Variants in RP1L1 observed in about 807,000 individuals in gnomAD.
RP1L1 encodes retinitis pigmentosa 1-like 1 protein.
A neutral mutation model predicts 15.7 loss-of-function variants in RP1L1; 27 were observed. The ratio of observed to expected loss-of-function variants is 1.72; its 90% CI spans 1.27 to 2.38. RP1L1 has a LOEUF of 2.38. RP1L1 is among the 30% of genes most tolerant of loss of function. The probability of loss-of-function intolerance (pLI) is 0.00; values close to 1 mark genes in which losing one functional copy is unlikely to be tolerated. For synonymous variants in RP1L1, 1,813 were observed against 1,276.7 expected (o/e 1.42, Z -8.96); for missense variants, 4,798 against 3,075.9 (o/e 1.56, Z -13.24).
At position 10,607,392 on chromosome 8, in the gene RP1L1, C is replaced by G. The variant is rs1396447954; in HGVS notation, c.6706G>C (p.Glu2236Gln). The G allele has an allele frequency of 3.1e-6, 5 of 1,605,710 alleles. No individual in the cohort carries two copies. The South Asian group carries it at 3.3e-5, about 11-fold the overall frequency. The stretch of plus-strand genomic sequence containing the variant: ...TCTCCTTCTGACTCTGGCTGGGCCT[C>G]CCCTTCAGCCTCCGGGGTCTCTACG... ...EGVETPEAEGEAQPESEGETQ... is the reference protein window; with the variant it reads ...EGVETPEAEGQAQPESEGETQ... The change falls in exon 4 of 4, where the codon GAG becomes CAG. Residue 2236 changes from glutamate (E) to glutamine (Q), a missense_variant. By Grantham distance (29) the Glu-to-Gln change is conservative (BLOSUM62 2). Transcript: ENST00000382483.
At chr8:10,620,091 C>T (rs918479125) in intron 2 of RP1L1, among the ~76,000 whole-genome samples, 3 of 152,108 alleles carry the variant, frequency 2.0e-5, no homozygotes, top group Non-Finnish European at 4.4e-5. Context: ...ACTAAGACAC[C>T]TGTATCTTAG....
rs1183897872 is a variant in RP1L1, at chr8:10,609,211, G to C, written c.4887C>G (p.Leu1629=). The part of the protein sequence containing the change: ...FSERTLGLGP[L]SFTLEDEPAL... ...CTGGCTCGTCCTCCAGGGTGAAGGA[G>C]AGGGGCCCCAGGCCCAGGGTCCGCT... Residue 1629 remains leucine, a synonymous_variant, in exon 4 of 4, where the codon CTC becomes CTG. Transcript: ENST00000382483. The C allele has an allele frequency of 1.9e-6, 3 of 1,610,394 alleles. No individual in the cohort carries two copies. Among genetic ancestry groups the C allele is most frequent in the Middle Eastern group, 1.6e-4 (1 of 6,084 alleles).
intron 1 of RP1L1, 141 bp downstream of exon 1, chr8:10,654,757 C>A (rs1176389208): frequency 1.3e-5 from 2 of 152,760 alleles, no homozygotes; most frequent in African/African-American, 2.4e-5. Flanking sequence ...CCTGCGTCAC[C>A]GCAAGCATCC....
At position 10,609,741 on chromosome 8, in the gene RP1L1, G is replaced by A. The variant is rs780124235; in HGVS notation, c.4357C>T (p.Pro1453Ser). ...TCCGTCTCGCTGAGATGACTAGGGG[G>A]CTCTGTGGGTTCCTCTGTGCCCTCT... Reference protein sequence around the residue: ...PAEGTEEPTEPPSHLSETDPS... With the variant: ...PAEGTEEPTESPSHLSETDPS... The change falls in exon 4 of 4, where the codon CCC (proline) becomes TCC (serine). Residue 1453 changes from proline to serine, a missense_variant. Transcript: ENST00000382483. 6.2e-6 allele frequency: 10 copies of A among 1,613,354 alleles called. No individual in the cohort carries two copies. In the East Asian group the frequency reaches 1.1e-4, roughly 18 times the overall value.
chr8:10,609,448 A>G lies in RP1L1; in HGVS notation c.4650T>C (p.Asn1550=). 1 of 1,612,380 alleles carries G rather than the reference A, an allele frequency of 6.2e-7. No homozygotes were observed. Among genetic ancestry groups the G allele is most frequent in the South Asian group, 1.1e-5 (1 of 91,072 alleles). The change falls in exon 4 of 4, where the codon AAT becomes AAC. Residue 1550 remains asparagine, a synonymous_variant. Coordinates refer to ENST00000382483, the MANE Select transcript of RP1L1 (RefSeq NM_178857.6). ...ELRARWGLQD[N]DLLDQMAAEL... Reference sequence around the variant, plus strand: ...CGGCCGCCATCTGGTCCAGCAGATCATTGTCCTGCAGGCCCCAGCGTGCTC... The same window carrying G: ...CGGCCGCCATCTGGTCCAGCAGATCGTTGTCCTGCAGGCCCCAGCGTGCTC...
At chr8:10,648,888 G>T (rs1586004788) in intron 1 of RP1L1, among the ~76,000 whole-genome samples, 1 of 152,208 alleles carries the variant, frequency 6.6e-6, no homozygotes, top group African/African-American at 2.4e-5. Context: ...AAGCCCTGAT[G>T]GTCTCATCCT....
chr8:10,616,773 G>C (rs1283990116), intron 2 of RP1L1, among the ~76,000 whole-genome samples, 186 bp from the exon 3 acceptor site: 1 of 152,154 alleles, frequency 6.6e-6, no homozygotes, highest in Non-Finnish European at 1.5e-5. Context: ...GCTGGAGGCT[G>C]AGGTCCCACC....
At chr8:10,635,397 C>G (rs940984836) in intron 1 of RP1L1, among the ~76,000 whole-genome samples, 2 of 152,224 alleles carry the variant, frequency 1.3e-5, no homozygotes, top group Non-Finnish European at 2.9e-5. Context: ...CCAGCGCACG[C>G]CAGAGATCCA....
intron 1 of RP1L1, among the ~76,000 whole-genome samples, chr8:10,653,260 T>G (rs1488682999): frequency 6.6e-6 from 1 of 152,146 alleles, no homozygotes; most frequent in African/African-American, 2.4e-5. Flanking sequence ...AACTTGGAGC[T>G]GAGAAAGCTG....
intron 1 of RP1L1, among the ~76,000 whole-genome samples, chr8:10,634,087 G>T (rs1347462935): frequency 6.6e-6 from 1 of 152,154 alleles, no homozygotes; most frequent in Non-Finnish European, 1.5e-5. Flanking sequence ...AGAGGACCAG[G>T]CTGGACCATA....
At chr8:10,621,381 C>A in intron 2 of RP1L1, 1 of 225,556 alleles carries the variant, frequency 4.4e-6, no homozygotes, top group South Asian at 6.1e-5. Flanking sequence ...GGCTGCAGTA[C>A]AGTGTATGAT....
At chr8:10,651,110 A>C (rs562975049) in intron 1 of RP1L1, among the ~76,000 whole-genome samples, 2 of 152,358 alleles carry the variant, frequency 1.3e-5, no homozygotes, top group East Asian at 3.9e-4. Context: ...GCAGGCTCAG[A>C]AGGGGCAACT....
At position 10,609,257 on chromosome 8, in the gene RP1L1, C is replaced by T. The variant is rs563706341; in HGVS notation, c.4841G>A (p.Arg1614Gln). 3.2e-5 allele frequency: 52 copies of T among 1,608,822 alleles called. No individual in the cohort carries two copies. The highest frequency in any genetic ancestry group is 2.2e-4 in the Admixed American group (13 of 59,920). The change falls in exon 4 of 4, where the codon CGA becomes CAA. Residue 1614 changes from arginine (R) to glutamine (Q), a missense_variant. Transcript: ENST00000382483. ...QQRRHRLRGLRNLSAFSERTL... is the reference protein window; with the variant it reads ...QQRRHRLRGLQNLSAFSERTL... ...CCGCTCAGAGAAGGCCGAGAGGTTTCGCAGGCCCCGGAGACGGTGTCTGCG... is the reference window on the plus strand; with the variant it reads ...CCGCTCAGAGAAGGCCGAGAGGTTTTGCAGGCCCCGGAGACGGTGTCTGCG...
intron 1 of RP1L1, among the ~76,000 whole-genome samples, chr8:10,627,282 C>G (rs1798173821): frequency 6.6e-6 from 1 of 152,162 alleles, no homozygotes; most frequent in Admixed American, 6.5e-5. Context: ...TATAGACAAA[C>G]AAAGGAGACT....
chr8:10,628,822 C>G (rs889652079), intron 1 of RP1L1, among the ~76,000 whole-genome samples: 1 of 152,130 alleles, frequency 6.6e-6, no homozygotes, highest in Non-Finnish European at 1.5e-5. Context: ...AAAAACAAAA[C>G]AAAAACAAGC....
chr8:10,620,505 C>T (rs1798040930), intron 2 of RP1L1, among the ~76,000 whole-genome samples: 1 of 152,122 alleles, frequency 6.6e-6, no homozygotes, highest in Non-Finnish European at 1.5e-5. Context: ...ACTTGGGAGG[C>T]TGAGGCAGGA....
rs555491611 is a variant in RP1L1, at chr8:10,652,715, T to C, written c.-20+2183A>G. Among the ~76,000 whole-genome samples, 6 of 151,608 alleles carry C rather than the reference T, an allele frequency of 4.0e-5. No individual in the cohort carries two copies. In the East Asian group the frequency reaches 1.2e-3, roughly 29 times the overall value. ...AGTAGCCCACATCTGAACACCAAGA[T>C]TCCATCTGCAGCCTGAGGCTGGCCG... On this transcript the variant is annotated intron_variant, in intron 1 of 3. Transcript: ENST00000382483.
intron 3 of RP1L1, among the ~76,000 whole-genome samples, chr8:10,614,699 GGGAA>G (rs756157552): frequency 1.3e-4 from 19 of 146,696 alleles, no homozygotes; most frequent in South Asian, 2.2e-4. Context: ...AAAGAAAGGA[GGGAA>G]GGAAGGAAGG....
At chr8:10,653,956 C>T (rs953882944) in intron 1 of RP1L1, among the ~76,000 whole-genome samples, 2 of 152,176 alleles carry the variant, frequency 1.3e-5, no homozygotes, top group African/African-American at 4.8e-5. Context: ...TGTCTTTGCT[C>T]CTTTTCCCTT....
Sources: gnomAD v4.1 joint callset for allele counts (sites outside exome capture counted in the v4.1 genomes callset) on GRCh38, gnomAD v4.1.1 for gene constraint, MANE v1.5 for transcripts, NCBI Gene and HGNC (gene_info 2026-07-23, HGNC 2026-07-21) for gene names.